GREB1: variants seen among roughly 807,000 people sequenced by gnomAD.
The protein encoded by GREB1 is protein GREB1.
GREB1 carries 106 observed loss-of-function variants against 200.7 expected under a neutral mutation model. That is an observed-to-expected ratio of 0.53 (90% CI 0.45 to 0.62). The LOEUF (loss-of-function observed/expected upper bound fraction) is 0.62. Among genes scored for constraint, GREB1 ranks in the 20% least tolerant of loss-of-function variants. The probability of loss-of-function intolerance (pLI) is 0.00; values close to 1 mark genes in which losing one functional copy is unlikely to be tolerated. For missense variants in GREB1, 2,243 were observed against 2,556.8 expected (o/e 0.88, Z 2.65); for synonymous variants, 1,132 against 1,092.4 (o/e 1.04, Z -0.72).
chr2:11,572,047 A>G (rs1389608174), intron 4 of GREB1, among the ~76,000 whole-genome samples: 1 of 152,192 alleles, frequency 6.6e-6, no homozygotes, highest in Non-Finnish European at 1.5e-5. Context: ...TGCCCAGAGC[A>G]TGTGGTTTGT....
intron 1 of GREB1, among the ~76,000 whole-genome samples, chr2:11,515,729 G>A (rs1673476434): frequency 6.6e-6 from 1 of 152,234 alleles, no homozygotes; most frequent in African/African-American, 2.4e-5. Context: ...TCCTTCATCA[G>A]CCCCTCCTCC....
At chr2:11,549,381 T>C (rs1009783562) in intron 1 of GREB1, among the ~76,000 whole-genome samples, 2 of 152,082 alleles carry the variant, frequency 1.3e-5, no homozygotes, top group Non-Finnish European at 2.9e-5. Flanking sequence ...TGTCCTACTT[T>C]AAGACGAAAA....
chr2:11,640,153 C>A lies in GREB1; in HGVS notation c.5687-138C>A. 1.4e-6 allele frequency: 1 copy of A among 715,940 alleles called. No homozygotes were observed. Among genetic ancestry groups the A allele is most frequent in the Non-Finnish European group, 2.3e-6 (1 of 440,572 alleles). 44.3% of individuals were successfully genotyped at this position (715,940 alleles called of 1,614,324 possible). ...AGATTGTACATCATCCCGAAAGAAG[C>A]AAGGGGCCGACTTGGATGCCGCTTC... is the stretch of plus-strand genomic sequence containing the variant. On this transcript the variant is annotated intron_variant, in intron 32 of 32. Transcript: ENST00000381486. The surrounding 1 kb of genome is among the most constrained non-coding windows in gnomAD (Gnocchi z 4.6).
intron 1 of GREB1, among the ~76,000 whole-genome samples, chr2:11,549,070 A>G (rs920299326): frequency 6.6e-6 from 1 of 151,992 alleles, no homozygotes; most frequent in Non-Finnish European, 1.5e-5. Context: ...ATGTGCCTCC[A>G]TGTGTATCCT....
intron 12 of GREB1, among the ~76,000 whole-genome samples, chr2:11,595,810 C>T (rs1681156209): frequency 6.6e-6 from 1 of 152,086 alleles, no homozygotes; most frequent in South Asian, 2.1e-4. Flanking sequence ...CATCTCATGT[C>T]CCCCTAGAAA....
intron 1 of GREB1, among the ~76,000 whole-genome samples, chr2:11,494,801 G>C (rs1211032988): frequency 6.6e-6 from 1 of 152,108 alleles, no homozygotes; most frequent in Non-Finnish European, 1.5e-5. Context: ...ACACCCATGG[G>C]GTGGCTGCCA....
At chr2:11,514,956 C>T (rs765932497) in intron 1 of GREB1, among the ~76,000 whole-genome samples, 18 of 152,118 alleles carry the variant, frequency 1.2e-4, no homozygotes, top group Non-Finnish European at 2.1e-4. Flanking sequence ...TCTCTTCCTC[C>T]ACTATCCATC....
chr2:11,605,358 T>C (rs1048715827), intron 17 of GREB1, among the ~76,000 whole-genome samples: 83 of 151,738 alleles, frequency 5.5e-4, no homozygotes, highest in Admixed American at 2.6e-4. Flanking sequence ...CCCAAGTAGC[T>C]GGAATTACAG....
At chr2:11,560,711 A>G (rs1481620842) in intron 2 of GREB1, among the ~76,000 whole-genome samples, 1 of 152,028 alleles carries the variant, frequency 6.6e-6, no homozygotes, top group Non-Finnish European at 1.5e-5. Context: ...CAAAAAAAAA[A>G]AGAAATAAGC....
chr2:11,584,877 G>A (rs992343691), intron 7 of GREB1: 3 of 271,284 alleles, frequency 1.1e-5, no homozygotes, highest in Admixed American at 1.1e-4. Flanking sequence ...TATGCCGATC[G>A]GGTGTCCGCA....
At chr2:11,607,727 C>G (rs761863409) in intron 17 of GREB1, among the ~76,000 whole-genome samples, 8 of 151,684 alleles carry the variant, frequency 5.3e-5, no homozygotes, top group Non-Finnish European at 1.2e-4. Context: ...GATGTACATA[C>G]ACATTGATGA....
intron 1 of GREB1, among the ~76,000 whole-genome samples, chr2:11,519,976 G>A (rs1673649538): frequency 6.6e-6 from 1 of 151,980 alleles, no homozygotes; most frequent in Non-Finnish European, 1.5e-5. Context: ...CATCTCTACA[G>A]AAAATACAAA....
Position 11,592,869 on chromosome 2 carries a change from A to G in GREB1, c.1439A>G (p.Gln480Arg), listed in dbSNP as rs1221616389. 24 of 1,598,910 alleles carry G rather than the reference A, an allele frequency of 1.5e-5. No individual in the cohort carries two copies. Among genetic ancestry groups the G allele is most frequent in the Non-Finnish European group, 2.0e-5 (23 of 1,174,880 alleles). The change falls in exon 11 of 33, where the codon CAG becomes CGG. Residue 480 changes from glutamine (Q) to arginine (R), a missense_variant. This residue lies in a region of GREB1 where 1,178 missense variants were observed against 1,387.4 expected (regional missense o/e 0.85). Coordinates refer to ENST00000381486, the MANE Select transcript of GREB1 (RefSeq NM_014668.4). Reference sequence around the variant, plus strand: ...CTGACCGAGATCCGGCAGTACCAGCAGGCGCCGCCGCAGCCCTTCCCGCCC... The same window carrying G: ...CTGACCGAGATCCGGCAGTACCAGCGGGCGCCGCCGCAGCCCTTCCCGCCC... The part of the protein sequence containing the change: ...SHLTEIRQYQ[Q>R]APPQPFPPAP...
At chr2:11,550,930 A>G (rs1232832833) in intron 1 of GREB1, among the ~76,000 whole-genome samples, 1 of 152,100 alleles carries the variant, frequency 6.6e-6, no homozygotes, top group East Asian at 1.9e-4. Context: ...ATAGTTCCTT[A>G]TCTTCCTTGA....
intron 6 of GREB1, among the ~76,000 whole-genome samples, chr2:11,579,334 C>A (rs1679221140): frequency 6.6e-6 from 1 of 152,238 alleles, no homozygotes; most frequent in Non-Finnish European, 1.5e-5. Context: ...AGTGCTGCTA[C>A]CTTTTAGCTG....
intron 2 of GREB1, among the ~76,000 whole-genome samples, chr2:11,557,973 C>T (rs1296810879): frequency 6.6e-6 from 1 of 152,200 alleles, no homozygotes; most frequent in Non-Finnish European, 1.5e-5. Context: ...ATTACCTGGT[C>T]ATCCTCTACA....
chr2:11,617,520 A>G (rs1337100892), intron 21 of GREB1, among the ~76,000 whole-genome samples: 3 of 152,252 alleles, frequency 2.0e-5, no homozygotes, highest in African/African-American at 4.8e-5. Flanking sequence ...CATATGAAGA[A>G]GTCTGTAATT....
chr2:11,596,115 T>C lies in GREB1; in HGVS notation c.1830T>C (p.Gly610=). 6.2e-7 allele frequency: 1 copy of C among 1,613,056 alleles called. No individual in the cohort carries two copies. Residue 610 remains glycine (G), a synonymous_variant, in exon 13 of 33, where the codon GGT becomes GGC. Transcript: ENST00000381486. ...GAFFSTLCPE[G]DIDILLDKFH... Reference sequence around the variant, plus strand: ...TGTTTATTCTGTCTTGGGCAGAGGGTGACATTGACATTTTGCTGGACAAAT... The same window carrying C: ...TGTTTATTCTGTCTTGGGCAGAGGGCGACATTGACATTTTGCTGGACAAAT...
chr2:11,618,948 C>T (rs1384219352), intron 22 of GREB1, 29 bp downstream of exon 22: 2 of 1,456,492 alleles, frequency 1.4e-6, no homozygotes, highest in East Asian at 2.5e-5. Context: ...CCCAGCACAG[C>T]CCCGGACTGG....
Sources: allele counts gnomAD v4.1 joint callset (sites outside exome capture counted in the v4.1 genomes callset), GRCh38; gene constraint gnomAD v4.1.1; regional missense constraint gnomAD v4.1.1; non-coding constraint Gnocchi (gnomAD v3.1); transcripts MANE v1.5; gene names NCBI Gene and HGNC (gene_info 2026-07-23, HGNC 2026-07-21).